The following CTNND2 variants were observed in gnomAD, a reference collection of about 807,000 sequenced individuals.
CTNND2 encodes catenin delta-2.
In CTNND2, 22 loss-of-function variants were observed where a neutral mutation model predicts 144.4. That is an observed-to-expected ratio of 0.15 (90% CI 0.11 to 0.22). CTNND2 has a LOEUF of 0.22. Ranked by LOEUF, CTNND2 falls within the 10% of genes least tolerant of loss-of-function variation. CTNND2 has a pLI of 1.00. For missense variants in CTNND2, 1,353 were observed against 1,618.8 expected (o/e 0.84, Z 2.82); for synonymous variants, 751 against 695.6 (o/e 1.08, Z -1.25).
At chr5:11,881,509 A>T (rs1336494484) in intron 1 of CTNND2, among the ~76,000 whole-genome samples, 3 of 152,018 alleles carry the variant, frequency 2.0e-5, no homozygotes, top group Non-Finnish European at 2.9e-5. Flanking sequence ...TTTAGCTCCC[A>T]CATATGAGTA....
intron 9 of CTNND2, among the ~76,000 whole-genome samples, chr5:11,254,201 T>G (rs944490132): frequency 6.6e-6 from 1 of 152,198 alleles, no homozygotes; most frequent in African/African-American, 2.4e-5. Flanking sequence ...GTCAATCCAC[T>G]TTTCTTCCCA....
chr5:11,265,698 A>ATT (rs5865929), intron 9 of CTNND2, among the ~76,000 whole-genome samples: 1,338 of 77,420 alleles, frequency 0.017, 12 homozygotes, highest in Middle Eastern at 0.024. Flanking sequence ...TGTATTCTCT[A>ATT]TTTTTTTTTT....
intron 9 of CTNND2, among the ~76,000 whole-genome samples, chr5:11,241,074 A>G (rs1403096684): frequency 1.1e-4 from 16 of 147,186 alleles, no homozygotes; most frequent in Non-Finnish European, 3.0e-5. Flanking sequence ...CCTAACACCC[A>G]ACACACACAC....
intron 11 of CTNND2, among the ~76,000 whole-genome samples, chr5:11,195,915 A>G (rs1159031113): frequency 6.6e-6 from 1 of 152,220 alleles, no homozygotes; most frequent in Non-Finnish European, 1.5e-5. Flanking sequence ...AATTATCATC[A>G]TCATCTCATA....
At chr5:11,215,741 A>G (rs189812061) in intron 10 of CTNND2, among the ~76,000 whole-genome samples, 420 of 152,376 alleles carry the variant, frequency 2.8e-3, no homozygotes, top group South Asian at 0.015. Context: ...TGTTCATCAC[A>G]GAGAAATTAA....
chr5:11,475,123 C>G (rs1294104100), intron 3 of CTNND2, among the ~76,000 whole-genome samples: 2 of 152,184 alleles, frequency 1.3e-5, no homozygotes, highest in African/African-American at 4.8e-5. Flanking sequence ...ATACTGCAGG[C>G]AAGTCAATTT....
At chr5:11,062,688 G>T (rs1580175861) in intron 16 of CTNND2, among the ~76,000 whole-genome samples, 1 of 152,242 alleles carries the variant, frequency 6.6e-6, no homozygotes, top group Admixed American at 6.5e-5. Context: ...GGAGCCCTGT[G>T]TGCTGTCGGG....
chr5:11,528,121 C>G (rs1486055440), intron 3 of CTNND2, among the ~76,000 whole-genome samples: 1 of 152,140 alleles, frequency 6.6e-6, no homozygotes, highest in East Asian at 1.9e-4. Flanking sequence ...CAATGGGTCC[C>G]CAAGCCTGGG....
intron 5 of CTNND2, among the ~76,000 whole-genome samples, chr5:11,408,008 T>A (rs1267613350): frequency 6.6e-6 from 1 of 151,884 alleles, no homozygotes; most frequent in Non-Finnish European, 1.5e-5. Context: ...AGAAGGAGAT[T>A]GGGGGAGGGA....
chr5:11,853,327 C>T (rs551195366), intron 1 of CTNND2, among the ~76,000 whole-genome samples: 1 of 152,168 alleles, frequency 6.6e-6, no homozygotes, highest in Admixed American at 6.5e-5. Flanking sequence ...ACAGCATTCT[C>T]TGCATGTTTT....
chr5:11,053,622 A>C (rs1210105397), intron 16 of CTNND2, among the ~76,000 whole-genome samples: 4 of 152,224 alleles, frequency 2.6e-5, no homozygotes, highest in African/African-American at 9.6e-5. Flanking sequence ...GGGGCCACAA[A>C]ATGCATTTGA....
chr5:11,537,954 AC>A (rs1158096788), intron 3 of CTNND2, among the ~76,000 whole-genome samples: 10 of 152,154 alleles, frequency 6.6e-5, no homozygotes, highest in African/African-American at 2.4e-4. Context: ...CTCTTTATTC[AC>A]CTACGCTGTT....
At chr5:11,332,275 CAA>C (rs5865932) in intron 9 of CTNND2, among the ~76,000 whole-genome samples, 958 of 81,502 alleles carry the variant, frequency 0.012, 17 homozygotes, top group African/African-American at 0.033. Flanking sequence ...AACTCCGTCT[CAA>C]AAAAAAAAAA....
At chr5:11,235,622 G>T (rs1317695996) in intron 10 of CTNND2, among the ~76,000 whole-genome samples, 1 of 152,140 alleles carries the variant, frequency 6.6e-6, no homozygotes, top group Non-Finnish European at 1.5e-5. Flanking sequence ...GATACCCACA[G>T]CCTCCTCCAG....
intron 18 of CTNND2, among the ~76,000 whole-genome samples, chr5:10,998,027 AC>A (rs1415600993): frequency 1.3e-5 from 2 of 152,238 alleles, no homozygotes; most frequent in East Asian, 3.8e-4. Flanking sequence ...CTATACTGCA[AC>A]CATTTAAGTA....
At position 11,904,110 on chromosome 5, in the gene CTNND2, C is replaced by T. The variant is rs1260966956; in HGVS notation, c.-257G>A. ...GAGCGCAGCGCCCCCTGCCCGGCTC[C>T]GCGGGCTCCACGGGCTCCTGCGGGC... is the stretch of plus-strand genomic sequence containing the variant. On this transcript the variant is annotated 5_prime_UTR_variant, in exon 1 of 22. Coordinates refer to ENST00000304623, the MANE Select transcript of CTNND2 (RefSeq NM_001332.4). The surrounding 1 kb of genome is among the most constrained non-coding windows in gnomAD (Gnocchi z 4.2). The T allele has an allele frequency of 6.2e-6, 1 of 160,638 alleles. No homozygotes were observed. Among genetic ancestry groups the T allele is most frequent in the Non-Finnish European group, 1.3e-5 (1 of 76,634 alleles). 10.0% of individuals were successfully genotyped at this position (160,638 alleles called of 1,614,324 possible).
At chr5:11,289,029 T>A (rs1183234700) in intron 9 of CTNND2, among the ~76,000 whole-genome samples, 1 of 152,136 alleles carries the variant, frequency 6.6e-6, no homozygotes, top group Admixed American at 6.5e-5. Context: ...ACCACTGACA[T>A]GATCAGTCTC....
chr5:11,288,333 T>C (rs1263105410), intron 9 of CTNND2, among the ~76,000 whole-genome samples: 2 of 73,342 alleles, frequency 2.7e-5, no homozygotes, highest in East Asian at 5.5e-4. Context: ...CCTTCAAGTA[T>C]TTTTTTTTTT....
chr5:11,102,796 C>T (rs983330534), intron 14 of CTNND2, among the ~76,000 whole-genome samples: 6 of 151,934 alleles, frequency 3.9e-5, no homozygotes, highest in Admixed American at 3.9e-4. Flanking sequence ...TCACCATCGG[C>T]ACAGAGCATA....
Sources: allele counts gnomAD v4.1 joint callset (sites outside exome capture counted in the v4.1 genomes callset), GRCh38; gene constraint gnomAD v4.1.1; non-coding constraint Gnocchi (gnomAD v3.1); transcripts MANE v1.5; gene names NCBI Gene and HGNC (gene_info 2026-07-23, HGNC 2026-07-21).